The following RPAP2 variants were observed in gnomAD, a reference collection of about 807,000 sequenced individuals.
RPAP2 encodes the protein RNA polymerase II associated protein 2, also known as putative RNA polymerase II subunit B1 CTD phosphatase RPAP2.
A neutral mutation model predicts 73.1 loss-of-function variants in RPAP2; 52 were observed. The observed-to-expected ratio is 0.71, with a 90% CI of 0.57 to 0.90. The LOEUF is 0.90. Among genes scored for constraint, RPAP2 ranks in the 40% least tolerant of loss-of-function variants. RPAP2 has a pLI of 0.00. For synonymous variants in RPAP2, 225 were observed against 242.1 expected, an observed-to-expected ratio of 0.93 and a Z score of 0.65; for missense variants, 598 against 701.8, an observed-to-expected ratio of 0.85 and a Z score of 1.67.
intron 8 of RPAP2, among the ~76,000 whole-genome samples, chr1:92,328,109 C>T (rs557169543): frequency 4.5e-4 from 68 of 152,310 alleles, no homozygotes; most frequent in African/African-American, 1.3e-3. Flanking sequence ...TCTTGACTTT[C>T]GATAACCTGA....
At position 92,387,906 on chromosome 1, in the gene RPAP2, A is replaced by G. The variant is rs1263877744; in HGVS notation, c.*895A>G. 6.6e-6 allele frequency: 1 copy of G among 152,170 alleles called. No homozygotes were observed. Among genetic ancestry groups the G allele is most frequent in the Non-Finnish European group, 1.5e-5 (1 of 68,024 alleles). 9.4% of individuals were successfully genotyped at this position (152,170 alleles called of 1,614,324 possible). A position where few individuals can be genotyped will look rare whatever the true frequency, so the allele number is the denominator to read the frequency against. On this transcript the variant is annotated 3_prime_UTR_variant, in exon 13 of 13. Transcript: ENST00000610020. ...CCATAGAATTGGCTACTGCCATACA[A>G]TCTCTATGGGAAAGGACTGCAAAAA...
chr1:92,335,415 T>G (rs1653224766), intron 9 of RPAP2, among the ~76,000 whole-genome samples: 1 of 152,148 alleles, frequency 6.6e-6, no homozygotes, highest in African/African-American at 2.4e-5. Context: ...TAACACATAC[T>G]TTAGAAAATG....
At chr1:92,302,892 T>C (rs1412012825) in intron 3 of RPAP2, among the ~76,000 whole-genome samples, 1 of 151,472 alleles carries the variant, frequency 6.6e-6, no homozygotes, top group Non-Finnish European at 1.5e-5. Flanking sequence ...GAGCCACTGC[T>C]CTCGGCCCGC....
intron 6 of RPAP2, among the ~76,000 whole-genome samples, chr1:92,309,468 CTA>C (rs1194107451): frequency 2.0e-5 from 3 of 151,662 alleles, no homozygotes; most frequent in Non-Finnish European, 4.4e-5. Context: ...CTTTGTTTCT[CTA>C]ATCTAAATGA....
intron 6 of RPAP2, among the ~76,000 whole-genome samples, chr1:92,319,929 C>T (rs1266250692): frequency 6.7e-6 from 1 of 149,840 alleles, no homozygotes; most frequent in Non-Finnish European, 1.5e-5. Flanking sequence ...ACCCGGGAGG[C>T]AGAGGTTATG....
chr1:92,320,514 G>A (rs183848355), intron 6 of RPAP2, 85 bp from the exon 7 acceptor site: 50 of 1,048,996 alleles, frequency 4.8e-5, no homozygotes, highest in Non-Finnish European at 6.9e-5. Flanking sequence ...CTCGAGATCC[G>A]CCTGCCCAGC....
At chr1:92,333,087 T>C (rs912252459) in intron 8 of RPAP2, among the ~76,000 whole-genome samples, 1 of 152,206 alleles carries the variant, frequency 6.6e-6, no homozygotes, top group African/African-American at 2.4e-5. Flanking sequence ...CCTACATTTG[T>C]ACAGCACTTA....
At chr1:92,381,905 T>A (rs1655655204) in intron 12 of RPAP2, among the ~76,000 whole-genome samples, 3 of 151,036 alleles carry the variant, frequency 2.0e-5, no homozygotes, top group East Asian at 3.9e-4. Context: ...TATCTCCTAA[T>A]GCTATCCCTC....
At chr1:92,358,810 A>T (rs1348950240) in intron 11 of RPAP2, among the ~76,000 whole-genome samples, 1 of 151,610 alleles carries the variant, frequency 6.6e-6, no homozygotes, top group African/African-American at 2.4e-5. Context: ...CTGGTCTTGA[A>T]CTCCTAAACT....
chr1:92,317,081 T>TAAG, intron 6 of RPAP2, among the ~76,000 whole-genome samples: 1 of 152,204 alleles, frequency 6.6e-6, no homozygotes. Flanking sequence ...TTGGGTCTTT[T>TAAG]TCTAACACTA....
chr1:92,381,889 TA>T (rs1221171737), intron 12 of RPAP2, among the ~76,000 whole-genome samples: 1 of 151,892 alleles, frequency 6.6e-6, no homozygotes, highest in African/African-American at 2.4e-5. Flanking sequence ...CATTTAACAT[TA>T]GGTATATCTC....
Position 92,301,552 on chromosome 1 carries a change from T to C in RPAP2, c.196T>C (p.Leu66=). 6.4e-7 allele frequency: 1 copy of C among 1,571,120 alleles called. No individual in the cohort carries two copies. The change falls in exon 3 of 13, where the codon TTA becomes CTA. Residue 66 remains leucine, a synonymous_variant. Coordinates refer to ENST00000610020, the MANE Select transcript of RPAP2 (RefSeq NM_024813.3). ...RKALHIVEQL[L]EENITEEFLM... is the part of the protein sequence containing the mutation. ...AGCTCTACATATTGTTGAACAGCTTTTAGAGGAGAATATTACAGAAGAGTT... is the reference window on the plus strand; with the variant it reads ...AGCTCTACATATTGTTGAACAGCTTCTAGAGGAGAATATTACAGAAGAGTT...
chr1:92,314,592 A>T (rs1301805364), intron 6 of RPAP2, among the ~76,000 whole-genome samples: 3 of 151,602 alleles, frequency 2.0e-5, no homozygotes, highest in Non-Finnish European at 4.4e-5. Context: ...TCTACTAAAA[A>T]TACAAAAATA....
rs201861191 is a variant in RPAP2 at position 92,341,562 on chromosome 1, ACT to A, written c.1620-4281_1620-4280del. 8.0e-3 allele frequency among the ~76,000 whole-genome samples: 1,226 copies of A among 152,350 alleles called. 8 individuals are homozygous for A. The highest frequency in any genetic ancestry group is 0.013 in the Non-Finnish European group (860 of 68,036). ...GTGGAACAGTGATAATACAGCAGAC[ACT>A]CTAAATACATTTTTGGTGAATGTAT... On this transcript the variant is annotated intron_variant, in intron 10 of 12. Coordinates refer to ENST00000610020, the MANE Select transcript of RPAP2 (RefSeq NM_024813.3).
intron 11 of RPAP2, among the ~76,000 whole-genome samples, chr1:92,375,451 T>C (rs1045232352): frequency 6.6e-6 from 1 of 152,104 alleles, no homozygotes; most frequent in Non-Finnish European, 1.5e-5. Context: ...TCCTAGCACT[T>C]TGGGAGGCTG....
chr1:92,343,526 T>C (rs1296731877), intron 10 of RPAP2, among the ~76,000 whole-genome samples: 2 of 152,194 alleles, frequency 1.3e-5, no homozygotes, highest in Non-Finnish European at 2.9e-5. Context: ...TTCAGATTAA[T>C]GTAACAAAAT....
At chr1:92,312,930 ATCTCAGC>A (rs1651685470) in intron 6 of RPAP2, among the ~76,000 whole-genome samples, 1 of 151,902 alleles carries the variant, frequency 6.6e-6, no homozygotes, top group Non-Finnish European at 1.5e-5. Context: ...CAGTGGCGAA[ATCTCAGC>A]TCACTGCAAC....
intron 8 of RPAP2, 35 bp from the exon 9 acceptor site, chr1:92,333,353 TATG>T: frequency 1.3e-6 from 2 of 1,490,294 alleles, no homozygotes; most frequent in Non-Finnish European, 1.9e-6. Context: ...AATGTAAACT[TATG>T]ATTCTGTTTT....
At chr1:92,374,834 A>C (rs1655318392) in intron 11 of RPAP2, among the ~76,000 whole-genome samples, 1 of 152,106 alleles carries the variant, frequency 6.6e-6, no homozygotes, top group African/African-American at 2.4e-5. Context: ...AGAGGGAGTG[A>C]GGGATTAAAA....
Sources: allele counts gnomAD v4.1 joint callset (sites outside exome capture counted in the v4.1 genomes callset), GRCh38; gene constraint gnomAD v4.1.1; transcripts MANE v1.5; gene names NCBI Gene and HGNC (gene_info 2026-07-23, HGNC 2026-07-21).